The following CPLX4 variants were observed in gnomAD, a reference collection of about 807,000 sequenced individuals.
CPLX4 encodes the protein complexin-4.
A neutral mutation model predicts 16.1 loss-of-function variants in CPLX4; 17 were observed. That is an observed-to-expected ratio of 1.06 (90% CI 0.72 to 1.59). The LOEUF (loss-of-function observed/expected upper bound fraction) is 1.59. Among genes scored for constraint, CPLX4 ranks in the 40% most tolerant of loss-of-function variants. The probability of loss-of-function intolerance (pLI) is 0.00; values close to 1 mark genes in which losing one functional copy is unlikely to be tolerated. For missense variants in CPLX4, 193 were observed against 192.9 expected (o/e 1.00, Z 0.00); for synonymous variants, 55 against 57.8 (o/e 0.95, Z 0.22).
intron 2 of CPLX4, among the ~76,000 whole-genome samples, chr18:59,309,399 AT>A (rs1247492082): frequency 2.0e-5 from 3 of 152,244 alleles, no homozygotes; most frequent in Non-Finnish European, 4.4e-5. Context: ...TGTATTTGGA[AT>A]TTAGACAGCT....
chr18:59,310,862 C>T (rs1400432928), intron 2 of CPLX4, among the ~76,000 whole-genome samples: 1 of 151,978 alleles, frequency 6.6e-6, no homozygotes. Flanking sequence ...CCCCAATTCT[C>T]CCTAGATCCC....
At chr18:59,299,430 T>C (rs1254955908) in intron 2 of CPLX4, among the ~76,000 whole-genome samples, 1 of 152,130 alleles carries the variant, frequency 6.6e-6, no homozygotes, top group Non-Finnish European at 1.5e-5. Flanking sequence ...CTGGACAGGG[T>C]AACTGCTGTG....
In CPLX4 at chr18:59,318,535, G is replaced by C; in HGVS notation, c.-73C>G. On this transcript the variant is annotated 5_prime_UTR_variant, in exon 1 of 3. Coordinates refer to ENST00000299721, the MANE Select transcript of CPLX4 (RefSeq NM_181654.4). ...AAAAAAAATCCAAACAAACCCAAGA[G>C]AAAACCTCCAAATATTCTCAATGAC... is the stretch of plus-strand genomic sequence containing the variant. 1 of 1,526,988 alleles carries C rather than the reference G, an allele frequency of 6.5e-7. No homozygotes were observed. The allele number at this position is 1,526,988 out of a possible 1,614,324, so 94.6% of individuals were successfully genotyped here.
At chr18:59,316,847 C>T (rs2070654464) in intron 1 of CPLX4, among the ~76,000 whole-genome samples, 2 of 152,092 alleles carry the variant, frequency 1.3e-5, no homozygotes, top group Non-Finnish European at 2.9e-5. Flanking sequence ...CTGTAGTCTA[C>T]ATTTCTGTTT....
At chr18:59,304,231 A>G (rs1251532132) in intron 2 of CPLX4, among the ~76,000 whole-genome samples, 3 of 152,180 alleles carry the variant, frequency 2.0e-5, no homozygotes, top group Admixed American at 1.3e-4. Flanking sequence ...TTATTTTTCA[A>G]TGACTAACCT....
chr18:59,300,443 T>C (rs1489085932), intron 2 of CPLX4, among the ~76,000 whole-genome samples: 1 of 152,236 alleles, frequency 6.6e-6, no homozygotes, highest in Non-Finnish European at 1.5e-5. Context: ...TTGTAGGTCC[T>C]CTTTGCTGTA....
In CPLX4 at chr18:59,318,649, T is replaced by C; in HGVS notation, c.-187A>G. On this transcript the variant is annotated 5_prime_UTR_variant, in exon 1 of 3. Coordinates refer to ENST00000299721, the MANE Select transcript of CPLX4 (RefSeq NM_181654.4). ...GAAGAGTGGTTTGTCGGCCGTAAGC[T>C]GGATTAAAGTGGTGAACTCCTTAGT... is the stretch of plus-strand genomic sequence containing the variant. The C allele has an allele frequency of 9.2e-7, 1 of 1,088,500 alleles. No individual in the cohort carries two copies. The highest frequency in any genetic ancestry group is 1.2e-6 in the Non-Finnish European group (1 of 801,710). 67.4% of individuals were successfully genotyped at this position (1,088,500 alleles called of 1,614,324 possible). A position where few individuals can be genotyped will look rare whatever the true frequency, so the allele number is the denominator to read the frequency against.
At chr18:59,314,934 G>A (rs1381382675) in intron 1 of CPLX4, among the ~76,000 whole-genome samples, 1 of 152,182 alleles carries the variant, frequency 6.6e-6, no homozygotes, top group African/African-American at 2.4e-5. Context: ...CACCTGAATT[G>A]TTCCCCATTT....
At chr18:59,301,312 A>G (rs1415665569) in intron 2 of CPLX4, among the ~76,000 whole-genome samples, 1 of 152,068 alleles carries the variant, frequency 6.6e-6, no homozygotes, top group Non-Finnish European at 1.5e-5. Flanking sequence ...TGGCTAGAAG[A>G]GAGACCAAGA....
intron 2 of CPLX4, among the ~76,000 whole-genome samples, chr18:59,301,325 G>A (rs937931494): frequency 3.9e-5 from 6 of 152,234 alleles, no homozygotes; most frequent in Non-Finnish European, 8.8e-5. Context: ...GACCAAGAGA[G>A]CCCTCTAAAA....
chr18:59,300,813 C>T (rs767684876), intron 2 of CPLX4, among the ~76,000 whole-genome samples: 1 of 152,316 alleles, frequency 6.6e-6, no homozygotes, highest in Non-Finnish European at 1.5e-5. Context: ...GTCCTGGCAC[C>T]TTACCTCTGA....
chr18:59,307,903 C>T (rs1028527960), intron 2 of CPLX4, among the ~76,000 whole-genome samples: 3 of 151,600 alleles, frequency 2.0e-5, no homozygotes, highest in Non-Finnish European at 4.4e-5. Context: ...AGGGGTCCGC[C>T]ACCATGGCCG....
Position 59,312,709 on chromosome 18 carries a change from G to T in CPLX4, c.231C>A (p.Leu77=). The T allele has an allele frequency of 7.1e-7, 1 of 1,411,070 alleles. No homozygotes were observed. The highest frequency in any genetic ancestry group is 1.0e-6 in the Non-Finnish European group (1 of 994,974). 87.4% of individuals were successfully genotyped at this position (1,411,070 alleles called of 1,614,324 possible). Residue 77 remains leucine (L), a synonymous_variant, in exon 2 of 3, where the codon CTC becomes CTA. Coordinates refer to ENST00000299721, the MANE Select transcript of CPLX4 (RefSeq NM_181654.4). ...KAERACLRVH[L]REKYRLPKSE... is the part of the protein sequence containing the mutation. ...CCTTTGGGAGCCTGTATTTTTCTCT[G>T]AGATGAACTCTGAGGCATGCCCTTT...
At position 59,296,429 on chromosome 18, in the gene CPLX4, C is replaced by G. The variant is rs939078991; in HGVS notation, c.*269G>C. 2.1e-6 allele frequency: 1 copy of G among 473,932 alleles called. No individual in the cohort carries two copies. The highest frequency in any genetic ancestry group is 2.0e-5 in the African/African-American group (1 of 49,372). 29.4% of individuals were successfully genotyped at this position (473,932 alleles called of 1,614,324 possible). On this transcript the variant is annotated 3_prime_UTR_variant, in exon 3 of 3. Transcript: ENST00000299721. ...CCTGGCTCATCTCAAGGTCTTTAAGCAGATATGTGTTCTGCATCATCATTT... is the reference window on the plus strand; with the variant it reads ...CCTGGCTCATCTCAAGGTCTTTAAGGAGATATGTGTTCTGCATCATCATTT...
intron 2 of CPLX4, among the ~76,000 whole-genome samples, chr18:59,301,882 T>C (rs1157047489): frequency 1.3e-5 from 2 of 152,250 alleles, no homozygotes; most frequent in African/African-American, 2.4e-5. Context: ...CTTAGAGGAC[T>C]GTTGAGCAGA....
chr18:59,314,138 C>T (rs546548511), intron 1 of CPLX4, among the ~76,000 whole-genome samples: 20 of 152,236 alleles, frequency 1.3e-4, no homozygotes, highest in South Asian at 8.3e-4. Context: ...AGGTCTGGAA[C>T]GGGCATGAGA....
At chr18:59,306,783 A>G (rs1401373644) in intron 2 of CPLX4, among the ~76,000 whole-genome samples, 1 of 152,248 alleles carries the variant, frequency 6.6e-6, no homozygotes, top group Non-Finnish European at 1.5e-5. Flanking sequence ...GGAAGGGTCT[A>G]GAACTGAATC....
At position 59,318,644 on chromosome 18, in the gene CPLX4, T is replaced by G; in HGVS notation, c.-182A>C. 7.1e-6 allele frequency: 8 copies of G among 1,130,258 alleles called. No individual in the cohort carries two copies. The highest frequency in any genetic ancestry group is 9.5e-6 in the Non-Finnish European group (8 of 839,522). The allele number at this position is 1,130,258 out of a possible 1,614,324, so 70.0% of individuals were successfully genotyped here. The stretch of plus-strand genomic sequence containing the variant: ...ATAGAGAAGAGTGGTTTGTCGGCCG[T>G]AAGCTGGATTAAAGTGGTGAACTCC... On this transcript the variant is annotated 5_prime_UTR_variant, in exon 1 of 3. Coordinates refer to ENST00000299721, the MANE Select transcript of CPLX4 (RefSeq NM_181654.4).
intron 1 of CPLX4, among the ~76,000 whole-genome samples, chr18:59,316,242 A>T (rs549223378): frequency 7.0e-6 from 1 of 142,188 alleles, no homozygotes; most frequent in East Asian, 2.1e-4. Context: ...TACTAATGTT[A>T]CCAGTGGTGC....
Sources: allele counts gnomAD v4.1 joint callset (sites outside exome capture counted in the v4.1 genomes callset), GRCh38; gene constraint gnomAD v4.1.1; transcripts MANE v1.5; gene names NCBI Gene and HGNC (gene_info 2026-07-23, HGNC 2026-07-21).